The following CNGA1 variants were observed in gnomAD, a reference collection of about 807,000 sequenced individuals.
CNGA1 encodes the protein cyclic nucleotide gated channel subunit alpha 1, also known as cyclic nucleotide-gated channel alpha-1.
In CNGA1, 53 loss-of-function variants were observed where a neutral mutation model predicts 69.7. The ratio of observed to expected loss-of-function variants is 0.76; its 90% CI spans 0.61 to 0.96. CNGA1 has a LOEUF of 0.96. Among genes scored for constraint, CNGA1 ranks in the 40% least tolerant of loss-of-function variants. CNGA1 has a pLI of 0.00. For missense variants in CNGA1, 739 were observed against 811.2 expected (o/e 0.91, Z 1.08); for synonymous variants, 249 against 283.5 (o/e 0.88, Z 1.22).
At position 47,936,310 on chromosome 4, in the gene CNGA1, T is replaced by C; in HGVS notation, c.*111A>G. The C allele has an allele frequency of 8.4e-7, 1 of 1,192,052 alleles. No homozygotes were observed. 73.8% of individuals were successfully genotyped at this position (1,192,052 alleles called of 1,614,324 possible). On this transcript the variant is annotated 3_prime_UTR_variant, in exon 11 of 11. Transcript: ENST00000514170. ...CTTGCACCAAAGCACATTTTCCTCATGGAAAAATTTCCCAACTGAGTCTTC... is the reference window on the plus strand; with the variant it reads ...CTTGCACCAAAGCACATTTTCCTCACGGAAAAATTTCCCAACTGAGTCTTC...
At chr4:48,004,062 C>T (rs929602890) in intron 2 of CNGA1, among the ~76,000 whole-genome samples, 2 of 152,242 alleles carry the variant, frequency 1.3e-5, no homozygotes, top group African/African-American at 2.4e-5. Flanking sequence ...ATCTTGTACA[C>T]CTGGCTCTGC....
chr4:47,993,590 A>G (rs1742366656), intron 2 of CNGA1, among the ~76,000 whole-genome samples: 1 of 151,848 alleles, frequency 6.6e-6, no homozygotes. Context: ...TTTCTTGGTT[A>G]ATCTTGCTCA....
intron 3 of CNGA1, among the ~76,000 whole-genome samples, chr4:47,972,474 G>A (rs1741095176): frequency 6.6e-6 from 1 of 152,168 alleles, no homozygotes; most frequent in South Asian, 2.1e-4. Flanking sequence ...GTTCCATTTT[G>A]CATTCTGCTA....
intron 3 of CNGA1, among the ~76,000 whole-genome samples, chr4:47,964,853 T>G (rs1740638742): frequency 6.6e-6 from 1 of 152,150 alleles, no homozygotes; most frequent in African/African-American, 2.4e-5. Flanking sequence ...TTGTGTTCCT[T>G]TTGTCATTAG....
At position 47,942,093 on chromosome 4, in the gene CNGA1, G is replaced by T; in HGVS notation, c.493C>A (p.Leu165Met). 1 of 1,613,662 alleles carries T rather than the reference G, an allele frequency of 6.2e-7. No individual in the cohort carries two copies. The highest frequency in any genetic ancestry group is 8.5e-7 in the Non-Finnish European group (1 of 1,179,834). Reference sequence around the variant, plus strand: ...ATAACAGGTAATGTGATGCAAAACAGCCAGTTGTAATATGTGTTTCCCGAG... The same window carrying T: ...ATAACAGGTAATGTGATGCAAAACATCCAGTTGTAATATGTGTTTCCCGAG... ...DPSGNTYYNW[L>M]FCITLPVMYN... Residue 165 changes from leucine to methionine, a missense_variant, in exon 9 of 11, where the codon CTG becomes ATG. Coordinates refer to ENST00000514170, the MANE Select transcript of CNGA1 (RefSeq NM_001379270.1).
At chr4:47,986,642 T>C (rs224798) in intron 2 of CNGA1, among the ~76,000 whole-genome samples, 26,688 of 152,154 alleles carry the variant, frequency 0.18, 2,525 homozygotes, top group Middle Eastern at 0.24. Context: ...TCACATATAA[T>C]TCTTGAGTAT....
At chr4:47,943,679 A>C (rs1739229896) in intron 6 of CNGA1, among the ~76,000 whole-genome samples, 1 of 152,240 alleles carries the variant, frequency 6.6e-6, no homozygotes. Flanking sequence ...CCAAGGAGAA[A>C]AATTTAAGAA....
chr4:47,936,500 A>G lies in CNGA1; in HGVS notation c.1982T>C (p.Phe661Ser), dbSNP rs780203611. The G allele has an allele frequency of 3.7e-6, 6 of 1,614,148 alleles. No individual in the cohort carries two copies. The East Asian group carries it at 1.3e-4, about 36-fold the overall frequency. The change falls in exon 11 of 11, where the codon TTT (phenylalanine) becomes TCT (serine). Residue 661 changes from phenylalanine (F) to serine (S), a missense_variant. Coordinates refer to ENST00000514170, the MANE Select transcript of CNGA1 (RefSeq NM_001379270.1). ...TTCTGTGTCAATAAGCGGTTTCAGA[A>G]ATTTCTCAACCTTGGTTAATCTTTG... ...LKQRLTKVEK[F>S]LKPLIDTEFS...
chr4:47,959,920 C>T (rs1360078618), intron 3 of CNGA1, among the ~76,000 whole-genome samples: 2 of 151,534 alleles, frequency 1.3e-5, no homozygotes, highest in Admixed American at 1.3e-4. Flanking sequence ...AAGAAATTCG[C>T]GATGCATTGG....
intron 3 of CNGA1, among the ~76,000 whole-genome samples, chr4:47,979,963 C>T (rs1044095452): frequency 1.3e-5 from 2 of 152,096 alleles, no homozygotes; most frequent in African/African-American, 4.8e-5. Context: ...TCATTAATTT[C>T]TAACTTTGAC....
At chr4:47,951,591 CA>C (rs1739744651) in intron 4 of CNGA1, 122 bp from the exon 5 acceptor site, 1 of 722,520 alleles carries the variant, frequency 1.4e-6, no homozygotes, top group African/African-American at 1.7e-5. Flanking sequence ...AACTAACACA[CA>C]TAACAATTTT....
At chr4:47,943,683 T>G (rs1393253975) in intron 6 of CNGA1, among the ~76,000 whole-genome samples, 5 of 152,122 alleles carry the variant, frequency 3.3e-5, no homozygotes, top group Non-Finnish European at 5.9e-5. Flanking sequence ...GGAGAAAAAT[T>G]TAAGAAACAA....
intron 2 of CNGA1, among the ~76,000 whole-genome samples, chr4:47,983,919 A>G (rs1396285790): frequency 6.6e-6 from 1 of 152,228 alleles, no homozygotes; most frequent in Non-Finnish European, 1.5e-5. Context: ...TCACACCCAG[A>G]GAGGGTTACT....
At chr4:48,003,683 A>C (rs1192298594) in intron 2 of CNGA1, among the ~76,000 whole-genome samples, 1 of 152,182 alleles carries the variant, frequency 6.6e-6, no homozygotes, top group Non-Finnish European at 1.5e-5. Flanking sequence ...CAGGCCATAC[A>C]GAGATAGGAG....
chr4:48,012,558 C>CTTTTTTT (rs528643370), intron 1 of CNGA1, among the ~76,000 whole-genome samples: 26 of 64,996 alleles, frequency 4.0e-4, no homozygotes, highest in African/African-American at 1.4e-3. Flanking sequence ...ACCACACCAT[C>CTTTTTTT]TTTTTTTTTT....
intron 3 of CNGA1, among the ~76,000 whole-genome samples, chr4:47,958,204 A>G (rs976428833): frequency 1.3e-5 from 2 of 152,016 alleles, no homozygotes; most frequent in African/African-American, 4.8e-5. Flanking sequence ...TAATTTTTAT[A>G]TACACCTCTG....
chr4:48,001,437 C>T (rs1714661470), intron 2 of CNGA1, among the ~76,000 whole-genome samples: 1 of 152,106 alleles, frequency 6.6e-6, no homozygotes, highest in African/African-American at 2.4e-5. Context: ...CCACTGCACT[C>T]CAGCCTGGGT....
At chr4:47,974,068 CTAGATAGA>C (rs66992308) in intron 3 of CNGA1, among the ~76,000 whole-genome samples, 11,956 of 137,896 alleles carry the variant, frequency 0.087, 565 homozygotes, top group South Asian at 0.11. Flanking sequence ...AACCTGGTCT[CTAGATAGA>C]TAGATAGATA....
intron 2 of CNGA1, among the ~76,000 whole-genome samples, chr4:48,010,441 G>C (rs1251878155): frequency 6.6e-6 from 1 of 152,196 alleles, no homozygotes; most frequent in African/African-American, 2.4e-5. Flanking sequence ...AAAAACCCCA[G>C]AGAAGCCTCG....
Sources: gnomAD v4.1 joint callset for allele counts (sites outside exome capture counted in the v4.1 genomes callset) on GRCh38, gnomAD v4.1.1 for gene constraint, MANE v1.5 for transcripts, NCBI Gene and HGNC (gene_info 2026-07-23, HGNC 2026-07-21) for gene names.